KCNIP2: variants seen among roughly 807,000 people sequenced by gnomAD.
KCNIP2 encodes A-type potassium channel modulatory protein KCNIP2.
KCNIP2 carries 19 observed loss-of-function variants against 39.0 expected under a neutral mutation model. The observed-to-expected ratio is 0.49, with a 90% CI of 0.34 to 0.71. The LOEUF (loss-of-function observed/expected upper bound fraction) is 0.71. KCNIP2 is among the 30% of genes least tolerant of loss of function. KCNIP2 has a pLI of 0.01. For synonymous variants in KCNIP2, 111 were observed against 131.2 expected, an observed-to-expected ratio of 0.85 and a Z score of 1.05; for missense variants, 261 against 346.0, an observed-to-expected ratio of 0.75 and a Z score of 1.95.
chr10:101,843,413 G>A lies in KCNIP2; in HGVS notation c.73+83C>T, dbSNP rs2066390600. 2 of 904,168 alleles carry A rather than the reference G, an allele frequency of 2.2e-6. No individual in the cohort carries two copies. Among genetic ancestry groups the A allele is most frequent in the South Asian group, 2.7e-5 (1 of 37,722 alleles). 56.0% of individuals were successfully genotyped at this position (904,168 alleles called of 1,614,324 possible). A position where few individuals can be genotyped will look rare whatever the true frequency, so the allele number is the denominator to read the frequency against. On this transcript the variant is annotated intron_variant, in intron 1 of 9. Coordinates refer to ENST00000356640, the MANE Select transcript of KCNIP2 (RefSeq NM_173191.3). The surrounding 1 kb of genome is among the most constrained non-coding windows in gnomAD (Gnocchi z 6.7). Reference sequence around the variant, plus strand: ...GGAATGGGGCAGAGTGTGGGTGCGGGCCAGGCCGGGGTCGGAGAGGCGGAA... The same window carrying A: ...GGAATGGGGCAGAGTGTGGGTGCGGACCAGGCCGGGGTCGGAGAGGCGGAA...
chr10:101,841,975 T>C (rs2066350772), intron 1 of KCNIP2, among the ~76,000 whole-genome samples: 1 of 152,214 alleles, frequency 6.6e-6, no homozygotes, highest in Non-Finnish European at 1.5e-5. Flanking sequence ...GCATGGTCTC[T>C]CATCTGGGGC....
intron 1 of KCNIP2, chr10:101,839,710 C>G: frequency 6.3e-7 from 1 of 1,595,158 alleles, no homozygotes; most frequent in Non-Finnish European, 8.6e-7. Context: ...ACTTCGCTCA[C>G]TTTTTGAAGG....
chr10:101,843,619 G>T lies in KCNIP2; in HGVS notation c.-51C>A. On this transcript the variant is annotated 5_prime_UTR_variant, in exon 1 of 10. Transcript: ENST00000356640. This position sits in a 1 kb window ranked among gnomAD's most constrained non-coding sequence, Gnocchi z 6.7. ...GGGCCGTGGGAGGGGGCGCCGGGTG[G>T]CCGGGATAGGGCGCTCACACGGCGC... 4 of 1,169,494 alleles carry T rather than the reference G, an allele frequency of 3.4e-6. No homozygotes were observed. The highest frequency in any genetic ancestry group is 3.3e-5 in the Admixed American group (1 of 29,960). The allele number at this position is 1,169,494 out of a possible 1,614,324, so 72.4% of individuals were successfully genotyped here. A position where few individuals can be genotyped will look rare whatever the true frequency, so the allele number is the denominator to read the frequency against.
chr10:101,827,915 T>C lies in KCNIP2; in HGVS notation c.676A>G (p.Arg226Gly). 1.2e-6 allele frequency: 2 copies of C among 1,613,954 alleles called. No individual in the cohort carries two copies. Among genetic ancestry groups the C allele is most frequent in the Non-Finnish European group, 8.5e-7 (1 of 1,179,844 alleles). Residue 226 changes from arginine to glycine, a missense_variant, in exon 8 of 10, where the codon AGG becomes GGG. Coordinates refer to ENST00000356640, the MANE Select transcript of KCNIP2 (RefSeq NM_173191.3). ...TYPALREEAP[R>G]EHVESFFQKM... is the part of the protein sequence containing the mutation. Reference sequence around the variant, plus strand: ...TGGAAGAAGCTCTCCACGTGTTCCCTTGGGGCCTCCTCCCGGAGTGCAGGG... The same window carrying C: ...TGGAAGAAGCTCTCCACGTGTTCCCCTGGGGCCTCCTCCCGGAGTGCAGGG...
chr10:101,826,315 C>T lies in KCNIP2; in HGVS notation c.*1038G>A, dbSNP rs988531513. ...TATCTGGGGTGGGGTGGGGAGAGCC[C>T]AGGTTGATTGAAGATTCTAGTGAAT... On this transcript the variant is annotated 3_prime_UTR_variant, in exon 10 of 10. Coordinates refer to ENST00000356640, the MANE Select transcript of KCNIP2 (RefSeq NM_173191.3). The T allele has an allele frequency of 2.0e-5, 3 of 152,706 alleles. No individual in the cohort carries two copies. In the Admixed American group the frequency reaches 2.0e-4, roughly 10 times the overall value. The allele number at this position is 152,706 out of a possible 1,614,324, so 9.5% of individuals were successfully genotyped here. A position where few individuals can be genotyped will look rare whatever the true frequency, so the allele number is the denominator to read the frequency against.
rs142584989 is a variant in KCNIP2, at chr10:101,843,498, G to A, written c.71C>T (p.Thr24Met). The A allele has an allele frequency of 3.2e-6, 5 of 1,575,364 alleles. No homozygotes were observed. The highest frequency in any genetic ancestry group is 1.7e-4 in the Middle Eastern group (1 of 5,974). ...RDLDGSYDQLTGHPPGPTKKA... is the reference protein window; with the variant it reads ...RDLDGSYDQLMGHPPGPTKKA... ...CGACCCCCACGTCACTGACTCACCC[G>A]TGAGCTGGTCGTAGGAGCCGTCCAG... The change falls in exon 1 of 10, where the codon ACG (threonine) becomes ATG (methionine). Residue 24 changes from threonine (T) to methionine (M), a missense_variant and splice_region_variant. By Grantham distance (81) the Thr-to-Met change is moderately conservative. Transcript: ENST00000356640. The surrounding 1 kb of genome is among the most constrained non-coding windows in gnomAD (Gnocchi z 6.7).
At chr10:101,829,951 A>C (rs2065908627) in intron 2 of KCNIP2, 54 bp from the exon 3 acceptor site, 1 of 1,537,778 alleles carries the variant, frequency 6.5e-7, no homozygotes, top group African/African-American at 1.4e-5. Context: ...AACTGCAGAC[A>C]CACACCTGGC....
At chr10:101,836,478 TGCCCCCGTCG>T (rs1310591716) in intron 1 of KCNIP2, among the ~76,000 whole-genome samples, 6 of 152,092 alleles carry the variant, frequency 3.9e-5, no homozygotes, top group Non-Finnish European at 1.5e-5. Context: ...TGAAGTGATC[TGCCCCCGTCG>T]GCATCCCAAA....
intron 1 of KCNIP2, among the ~76,000 whole-genome samples, chr10:101,836,932 GC>G (rs2066179679): frequency 6.6e-6 from 1 of 151,796 alleles, no homozygotes; most frequent in Non-Finnish European, 1.5e-5. Context: ...CTGCACTCCA[GC>G]CTGAGCAACA....
rs747659884 is a variant in KCNIP2 at position 101,827,798 on chromosome 10, A to G, written c.703-47T>C. The G allele has an allele frequency of 7.8e-6, 12 of 1,543,042 alleles. No homozygotes were observed. The South Asian group carries it at 1.3e-4, about 17-fold the overall frequency. ...GGGAGAACAGGAGGGATGGCAAGAG[A>G]GAGGCAGACAGAAGTCAGGTGAGTT... On this transcript the variant is annotated intron_variant, in intron 8 of 9. Coordinates refer to ENST00000356640, the MANE Select transcript of KCNIP2 (RefSeq NM_173191.3).
chr10:101,834,248 G>A, intron 1 of KCNIP2: 1 of 399,180 alleles, frequency 2.5e-6, no homozygotes, highest in East Asian at 3.6e-5. Context: ...GCTCAGACAT[G>A]CCAGGACACC....
Position 101,843,481 on chromosome 10 carries a change from A to C in KCNIP2, c.73+15T>G. 6.5e-7 allele frequency: 1 copy of C among 1,532,708 alleles called. No homozygotes were observed. Among genetic ancestry groups the C allele is most frequent in the Non-Finnish European group, 8.8e-7 (1 of 1,135,774 alleles). The allele number at this position is 1,532,708 out of a possible 1,614,324, so 94.9% of individuals were successfully genotyped here. ...ATCCACCCTCCCTCCCGCGACCCCC[A>C]CGTCACTGACTCACCCGTGAGCTGG... On this transcript the variant is annotated intron_variant, in intron 1 of 9. Coordinates refer to ENST00000356640, the MANE Select transcript of KCNIP2 (RefSeq NM_173191.3). The surrounding 1 kb of genome is among the most constrained non-coding windows in gnomAD (Gnocchi z 6.7).
chr10:101,837,055 G>T (rs1286196704), intron 1 of KCNIP2, among the ~76,000 whole-genome samples: 1 of 152,158 alleles, frequency 6.6e-6, no homozygotes, highest in African/African-American at 2.4e-5. Flanking sequence ...AGGCTGCAAT[G>T]AGCCATGATT....
intron 1 of KCNIP2, among the ~76,000 whole-genome samples, chr10:101,840,855 G>C (rs1452083943): frequency 6.6e-6 from 1 of 152,130 alleles, no homozygotes; most frequent in South Asian, 2.1e-4. Context: ...GGGCGCCCCC[G>C]CCCCGGCAAC....
At chr10:101,832,181 G>T (rs562496062) in intron 1 of KCNIP2, among the ~76,000 whole-genome samples, 8 of 152,126 alleles carry the variant, frequency 5.3e-5, no homozygotes, top group Non-Finnish European at 1.2e-4. Flanking sequence ...GAGTATTCTG[G>T]TGTATTGTGG....
Position 101,838,296 on chromosome 10 carries a change from T to C in KCNIP2, c.73+5200A>G, listed in dbSNP as rs2066223573. The stretch of plus-strand genomic sequence containing the variant: ...GGGCCTTCCCCAGATCCCTCAAATC[T>C]TACCACAGAGATATTCCTATCATTT... On this transcript the variant is annotated intron_variant, in intron 1 of 9. Coordinates refer to ENST00000356640, the MANE Select transcript of KCNIP2 (RefSeq NM_173191.3). The surrounding 1 kb of genome is among the most constrained non-coding windows in gnomAD (Gnocchi z 4.0). Among the ~76,000 whole-genome samples the C allele has an allele frequency of 6.6e-6, 1 of 152,220 alleles. No homozygotes were observed. The highest frequency in any genetic ancestry group is 2.4e-5 in the African/African-American group (1 of 41,456).
Position 101,828,160 on chromosome 10 carries a change from G to A in KCNIP2, c.588C>T (p.Ile196=). 1 of 1,613,886 alleles carries A rather than the reference G, an allele frequency of 6.2e-7. No individual in the cohort carries two copies. Among genetic ancestry groups the A allele is most frequent in the South Asian group, 1.1e-5 (1 of 91,074 alleles). Residue 196 remains isoleucine, a synonymous_variant, in exon 7 of 10, where the codon ATC becomes ATT. Transcript: ENST00000356640. This position sits in a 1 kb window ranked among gnomAD's most constrained non-coding sequence, Gnocchi z 6.6. ...TTCAGTTGCCCTGCACCTCCTTGGT[G>A]ATGCAGCCGTCCTTGTTAAGGTCAT... ...NLYDLNKDGC[I]TKEEMLDIMK...
intron 1 of KCNIP2, among the ~76,000 whole-genome samples, chr10:101,833,247 A>G (rs1437002942): frequency 6.6e-6 from 1 of 151,064 alleles, no homozygotes; most frequent in Non-Finnish European, 1.5e-5. Flanking sequence ...AGAGGTCAAA[A>G]CTCCCAAGGG....
intron 2 of KCNIP2, among the ~76,000 whole-genome samples, chr10:101,830,197 G>A (rs1051906731): frequency 6.6e-6 from 1 of 152,174 alleles, no homozygotes; most frequent in African/African-American, 2.4e-5. Flanking sequence ...GGTGGGCAAG[G>A]CCCAACTGAG....
Sources: gnomAD v4.1 joint callset for allele counts (sites outside exome capture counted in the v4.1 genomes callset) on GRCh38, gnomAD v4.1.1 for gene constraint, Gnocchi (gnomAD v3.1) non-coding constraint, MANE v1.5 for transcripts, NCBI Gene and HGNC (gene_info 2026-07-23, HGNC 2026-07-21) for gene names.